The following AGPAT5 variants were observed in gnomAD, a reference collection of about 807,000 sequenced individuals.
AGPAT5 encodes the protein 1-acylglycerol-3-phosphate O-acyltransferase 5.
Under a neutral mutation model 45.6 loss-of-function variants are expected in AGPAT5, and 46 were observed. The ratio of observed to expected loss-of-function variants is 1.01; its 90% CI spans 0.80 to 1.29. The LOEUF is 1.29. Among genes scored for constraint, AGPAT5 ranks in the 50% most tolerant of loss-of-function variants. The pLI is 0.00. For synonymous variants in AGPAT5, 272 were observed against 167.0 expected, an observed-to-expected ratio of 1.63 and a Z score of -4.85; for missense variants, 673 against 450.7, an observed-to-expected ratio of 1.49 and a Z score of -4.47.
rs1045551806 is a variant in AGPAT5, at chr8:6,724,096, C to T, written c.220-774C>T. Reference sequence around the variant, plus strand: ...TAAGACACACAAAACAGCAGAAGGACTAATACAGGTACATCGAACACCTGT... The same window carrying T: ...TAAGACACACAAAACAGCAGAAGGATTAATACAGGTACATCGAACACCTGT... On this transcript the variant is annotated intron_variant, in intron 1 of 7. Coordinates refer to ENST00000285518, the MANE Select transcript of AGPAT5 (RefSeq NM_018361.5). Among the ~76,000 whole-genome samples, 6 of 152,150 alleles carry T rather than the reference C, an allele frequency of 3.9e-5. No homozygotes were observed. The South Asian group carries it at 1.2e-3, about 32-fold the overall frequency.
At chr8:6,749,062 C>T (rs1197854450) in intron 6 of AGPAT5, among the ~76,000 whole-genome samples, 5 of 152,190 alleles carry the variant, frequency 3.3e-5, no homozygotes, top group South Asian at 2.1e-4. Context: ...GCCTTCTAGA[C>T]GTAGTACTGT....
intron 2 of AGPAT5, among the ~76,000 whole-genome samples, chr8:6,725,716 G>A (rs1035043049): frequency 6.6e-5 from 10 of 152,118 alleles, no homozygotes; most frequent in Admixed American, 2.6e-4. Context: ...TACTTTTGAT[G>A]CGTACTTCCT....
intron 1 of AGPAT5, among the ~76,000 whole-genome samples, chr8:6,715,800 ACT>A (rs1267981697): frequency 1.2e-4 from 18 of 152,136 alleles, no homozygotes; most frequent in South Asian, 4.1e-4. Context: ...CTTTAAAGTA[ACT>A]CTTTGCTTGG....
chr8:6,721,225 C>T (rs184565143), intron 1 of AGPAT5, among the ~76,000 whole-genome samples: 30 of 152,262 alleles, frequency 2.0e-4, no homozygotes, highest in Admixed American at 1.7e-3. Flanking sequence ...TAATGATTAA[C>T]TGGTAATATA....
chr8:6,743,352 C>A (rs1467204226), intron 5 of AGPAT5, among the ~76,000 whole-genome samples: 1 of 152,210 alleles, frequency 6.6e-6, no homozygotes, highest in Non-Finnish European at 1.5e-5. Context: ...AACTCTGGAC[C>A]CATTTGTACA....
intron 1 of AGPAT5, among the ~76,000 whole-genome samples, chr8:6,719,216 A>T (rs570125688): frequency 1.3e-5 from 2 of 152,306 alleles, no homozygotes; most frequent in African/African-American, 4.8e-5. Context: ...ACCACTTCCA[A>T]CTAGAAAGAA....
chr8:6,719,512 T>A (rs1800432541), intron 1 of AGPAT5, among the ~76,000 whole-genome samples: 1 of 152,246 alleles, frequency 6.6e-6, no homozygotes, highest in South Asian at 2.1e-4. Flanking sequence ...GGAACCTGAT[T>A]ATGACCATCT....
chr8:6,756,102 C>T (rs562318822), intron 7 of AGPAT5, among the ~76,000 whole-genome samples: 2 of 152,160 alleles, frequency 1.3e-5, no homozygotes, highest in African/African-American at 4.8e-5. Flanking sequence ...GAAGCGCTTT[C>T]CCTTTCTGTT....
Position 6,760,650 on chromosome 8 carries a change from TGTC to T in AGPAT5, c.*3265_*3267del, listed in dbSNP as rs1164529009. ...TATCTGGTGGAAAGCTACAATGCAATGTCGTTGTAGTTTTGCATGGCTTGCTTT... is the reference window on the plus strand; with the variant it reads ...TATCTGGTGGAAAGCTACAATGCAATGTTGTAGTTTTGCATGGCTTGCTTT... On this transcript the variant is annotated 3_prime_UTR_variant, in exon 8 of 8. Coordinates refer to ENST00000285518, the MANE Select transcript of AGPAT5 (RefSeq NM_018361.5). Among the ~76,000 whole-genome samples, 2 of 152,226 alleles carry T rather than the reference TGTC, an allele frequency of 1.3e-5. No individual in the cohort carries two copies. Among genetic ancestry groups the T allele is most frequent in the Admixed American group, 1.3e-4 (2 of 15,284 alleles).
rs373437737 is a variant in AGPAT5 at position 6,747,720 on chromosome 8, G to C, written c.637G>C (p.Val213Leu). The C allele has an allele frequency of 6.2e-7, 1 of 1,614,060 alleles. No individual in the cohort carries two copies. The highest frequency in any genetic ancestry group is 8.5e-7 in the Non-Finnish European group (1 of 1,180,020). ...VLTPRIKATH[V>L]AFDCMKNYLD... ...AACACCACGAATAAAGGCAACTCACGTTGCTTTTGATTGCATGAAGAATTA... is the reference window on the plus strand; with the variant it reads ...AACACCACGAATAAAGGCAACTCACCTTGCTTTTGATTGCATGAAGAATTA... Residue 213 changes from valine (V) to leucine (L), a missense_variant, in exon 6 of 8, where the codon GTT becomes CTT. Physicochemically the swap from Val to Leu is conservative, Grantham distance 32 (BLOSUM62 1). Coordinates refer to ENST00000285518, the MANE Select transcript of AGPAT5 (RefSeq NM_018361.5).
At chr8:6,715,041 C>T (rs373370288) in intron 1 of AGPAT5, among the ~76,000 whole-genome samples, 11 of 152,088 alleles carry the variant, frequency 7.2e-5, no homozygotes, top group African/African-American at 2.2e-4. Flanking sequence ...TCTCTAGAAC[C>T]CAGATCCCTT....
intron 1 of AGPAT5, among the ~76,000 whole-genome samples, chr8:6,722,564 C>T (rs990749276): frequency 2.0e-5 from 3 of 152,082 alleles, no homozygotes; most frequent in Admixed American, 1.3e-4. Flanking sequence ...ACTTTAGATG[C>T]CGTATGACTA....
At chr8:6,745,225 A>C (rs1028157667) in intron 5 of AGPAT5, 11 of 154,424 alleles carry the variant, frequency 7.1e-5, no homozygotes, top group Non-Finnish European at 1.6e-4. Context: ...CTTCTTAGAC[A>C]TGGCAACGTC....
intron 5 of AGPAT5, among the ~76,000 whole-genome samples, chr8:6,745,469 G>T (rs928697594): frequency 6.6e-6 from 1 of 152,218 alleles, no homozygotes; most frequent in South Asian, 2.1e-4. Context: ...CCAAAGCATC[G>T]TATCATTTGT....
chr8:6,744,572 T>G (rs1458420841), intron 5 of AGPAT5, among the ~76,000 whole-genome samples: 2 of 152,140 alleles, frequency 1.3e-5, no homozygotes. Context: ...GGTCCTGTGC[T>G]TGGTCTGGGA....
At chr8:6,718,123 A>C (rs1190417341) in intron 1 of AGPAT5, among the ~76,000 whole-genome samples, 1 of 152,232 alleles carries the variant, frequency 6.6e-6, no homozygotes, top group Non-Finnish European at 1.5e-5. Context: ...CATCATAGAT[A>C]CTCAGAAAAA....
intron 1 of AGPAT5, chr8:6,709,210 T>G (rs1800051213): frequency 2.5e-6 from 1 of 395,748 alleles, no homozygotes; most frequent in African/African-American, 2.1e-5. Flanking sequence ...GTTTAGCAGT[T>G]TCTGGCCTTT....
chr8:6,734,630 A>C (rs1800981278), intron 4 of AGPAT5, among the ~76,000 whole-genome samples: 1 of 152,062 alleles, frequency 6.6e-6, no homozygotes, highest in African/African-American at 2.4e-5. Context: ...ATCTCTTCAG[A>C]TTGTGCTTTA....
At chr8:6,721,368 T>C (rs977830156) in intron 1 of AGPAT5, among the ~76,000 whole-genome samples, 8 of 152,242 alleles carry the variant, frequency 5.3e-5, no homozygotes, top group Admixed American at 2.0e-4. Context: ...AGAGATAGAC[T>C]AGCTAGCTCT....
Sources: gnomAD v4.1 joint callset for allele counts (sites outside exome capture counted in the v4.1 genomes callset) on GRCh38, gnomAD v4.1.1 for gene constraint, MANE v1.5 for transcripts, NCBI Gene and HGNC (gene_info 2026-07-23, HGNC 2026-07-21) for gene names.